Variants in ZBTB25 observed in about 807,000 individuals in gnomAD.
ZBTB25 encodes zinc finger and BTB domain containing 25.
ZBTB25 carries 20 observed loss-of-function variants against 34.2 expected under a neutral mutation model. That is an observed-to-expected ratio of 0.58 (90% confidence interval 0.41 to 0.85). The LOEUF (loss-of-function observed/expected upper bound fraction) is 0.85, where lower values mean the gene tolerates loss of function less well. Among genes scored for constraint, ZBTB25 ranks in the 40% least tolerant of loss-of-function variants. The probability of loss-of-function intolerance (pLI) is 0.00; values close to 1 mark genes in which losing one functional copy is unlikely to be tolerated. For synonymous variants in ZBTB25, 175 were observed against 186.4 expected (o/e 0.94, Z 0.50); for missense variants, 437 against 521.8 (o/e 0.84, Z 1.58).
At chr14:64,473,343 C>G (rs1239881681), downstream of ZBTB25, 1 of 167,046 alleles carries the variant, frequency 6.0e-6, no homozygotes, top group Non-Finnish European at 1.5e-5. Flanking sequence ...AATTTTCCTT[C>G]AAGGTAATGT....
chr14:64,454,920 C>T (rs1409541571), intron 2 of ZBTB25: 3 of 1,597,388 alleles, frequency 1.9e-6, no homozygotes, highest in South Asian at 1.1e-5. Flanking sequence ...CTGCACTTCT[C>T]GTCTGAAGTG....
downstream of ZBTB25, among the ~76,000 whole-genome samples, chr14:64,475,199 G>A (rs1481708916): frequency 6.6e-6 from 1 of 152,150 alleles, no homozygotes; most frequent in African/African-American, 2.4e-5. Context: ...CAGCACGTTG[G>A]GAGGCCGAGG....
At position 64,490,405 on chromosome 14, in the gene ZBTB25, A is replaced by C. The variant is rs374086770; in HGVS notation, c.129T>G (p.Ala43=). 9.4e-5 allele frequency: 151 copies of C among 1,610,064 alleles called. No homozygotes were observed. The highest frequency in any genetic ancestry group is 1.2e-4 in the Non-Finnish European group (145 of 1,177,514). The part of the protein sequence containing the change: ...VYFKAHRAVL[A]AFSNYFKMIF... ...TCATCTTGAAATAGTTAGAAAAAGC[A>C]GCAAGCACTGCTCTGTGGGCTTTGA... Residue 43 remains alanine (A), a synonymous_variant, in exon 2 of 3, where the codon GCT becomes GCG. Transcript: ENST00000608382.
chr14:64,455,613 A>C (rs956083550), intron 2 of ZBTB25, among the ~76,000 whole-genome samples: 1 of 152,228 alleles, frequency 6.6e-6, no homozygotes, highest in African/African-American at 2.4e-5. Flanking sequence ...ACTGCCATGC[A>C]ATACAGGACT....
At chr14:64,471,702 G>C (rs1159248494) in intron 2 of ZBTB25, 5 of 160,918 alleles carry the variant, frequency 3.1e-5, no homozygotes, top group East Asian at 2.0e-4. Flanking sequence ...GTTACTACTT[G>C]AAACAGATGA....
intron 1 of ZBTB25, among the ~76,000 whole-genome samples, chr14:64,494,167 G>T (rs184437980): frequency 7.2e-5 from 11 of 152,314 alleles, no homozygotes; most frequent in Non-Finnish European, 1.3e-4. Context: ...TTGAGGAAAG[G>T]CAATGACCTT....
At chr14:64,459,744 T>C (rs767998951) in intron 2 of ZBTB25, 2 of 1,529,322 alleles carry the variant, frequency 1.3e-6, no homozygotes, top group South Asian at 2.4e-5. Context: ...ATTTATTTCT[T>C]GTTTTTCCTT....
rs1448800401 is a variant in ZBTB25 at position 64,480,276 on chromosome 14, T to C, written c.*6647A>G. On this transcript the variant is annotated 3_prime_UTR_variant, in exon 3 of 3. Coordinates refer to ENST00000608382, the MANE Select transcript of ZBTB25 (RefSeq NM_006977.5). ...ATGTGAAGGTTGCAGTGAGCCGAGA[T>C]CACTCCACTGTACTCCAGCCTGGGC... is the stretch of plus-strand genomic sequence containing the variant. The C allele has an allele frequency of 1.6e-5, 5 of 314,544 alleles. No homozygotes were observed. Among genetic ancestry groups the C allele is most frequent in the Non-Finnish European group, 2.9e-5 (5 of 170,994 alleles). The allele number at this position is 314,544 out of a possible 1,614,324, so 19.5% of individuals were successfully genotyped here. A position where few individuals can be genotyped will look rare whatever the true frequency, so the allele number is the denominator to read the frequency against.
chr14:64,498,930 A>G (rs982359438), intron 1 of ZBTB25, among the ~76,000 whole-genome samples: 2 of 152,068 alleles, frequency 1.3e-5, no homozygotes, highest in Non-Finnish European at 2.9e-5. Context: ...CACCGCGCCC[A>G]GCCCAGATTC....
chr14:64,449,394 C>G, exon 3 of ZBTB25: 3 of 1,587,850 alleles, frequency 1.9e-6, no homozygotes, highest in Non-Finnish European at 1.7e-6. Context: ...GAAGACAATT[C>G]TGTCTCTCCA....
chr14:64,472,791 A>G (rs1222562082), intron 2 of ZBTB25: 1 of 166,906 alleles, frequency 6.0e-6, no homozygotes, highest in African/African-American at 2.4e-5. Flanking sequence ...TTTTCTTGTA[A>G]TAGTATTTAA....
chr14:64,485,294 T>C lies in ZBTB25; in HGVS notation c.*1629A>G. Reference sequence around the variant, plus strand: ...TCAAGAGTTTTGTAAGTGGTTAAATTCTAAGGCTCACAAACCAAATTTTTT... The same window carrying C: ...TCAAGAGTTTTGTAAGTGGTTAAATCCTAAGGCTCACAAACCAAATTTTTT... On this transcript the variant is annotated 3_prime_UTR_variant, in exon 3 of 3. Coordinates refer to ENST00000608382, the MANE Select transcript of ZBTB25 (RefSeq NM_006977.5). 1.0e-6 allele frequency: 1 copy of C among 985,454 alleles called. No individual in the cohort carries two copies. Among genetic ancestry groups the C allele is most frequent in the Non-Finnish European group, 1.2e-6 (1 of 829,934 alleles). The allele number at this position is 985,454 out of a possible 1,614,324, so 61.0% of individuals were successfully genotyped here.
At position 64,486,975 on chromosome 14, in the gene ZBTB25, G is replaced by A. The variant is rs752381452; in HGVS notation, c.1256C>T (p.Ala419Val). ...LSQEHLDLPCALESELTQENV... is the reference protein window; with the variant it reads ...LSQEHLDLPCVLESELTQENV... ...TTCTTGTGTGAGCTCTGACTCTAAG[G>A]CACAAGGCAAGTCTAAGTGTTCTTG... The change falls in exon 3 of 3, where the codon GCC becomes GTC. Residue 419 changes from alanine (A) to valine (V), a missense_variant. Physicochemically the swap from Ala to Val is moderately conservative, Grantham distance 64. Coordinates refer to ENST00000608382, the MANE Select transcript of ZBTB25 (RefSeq NM_006977.5). 16 of 1,614,110 alleles carry A rather than the reference G, an allele frequency of 9.9e-6. No individual in the cohort carries two copies. Among genetic ancestry groups the A allele is most frequent in the Admixed American group, 8.3e-5 (5 of 59,998 alleles).
At position 64,487,913 on chromosome 14, in the gene ZBTB25, G is replaced by A; in HGVS notation, c.318C>T (p.Tyr106=). Residue 106 remains tyrosine, a synonymous_variant, in exon 3 of 3, where the codon TAC becomes TAT. Transcript: ENST00000608382. ...EEGIRFLHAD[Y]LSHIATEMNQ... The stretch of plus-strand genomic sequence containing the variant: ...TCATTTCAGTTGCAATGTGAGAAAG[G>A]TAGTCGGCGTGAAGAAATCGAATCC... 1 of 1,614,168 alleles carries A rather than the reference G, an allele frequency of 6.2e-7. No homozygotes were observed. The highest frequency in any genetic ancestry group is 1.1e-5 in the South Asian group (1 of 91,074).
intron 2 of ZBTB25, chr14:64,469,152 C>T (rs1412059309): frequency 6.2e-7 from 1 of 1,614,110 alleles, no homozygotes; most frequent in South Asian, 1.1e-5. Context: ...CTTGAAACTT[C>T]AGAAACAGAC....
In ZBTB25 at chr14:64,485,355, A is replaced by G; in HGVS notation, c.*1568T>C. On this transcript the variant is annotated 3_prime_UTR_variant, in exon 3 of 3. Coordinates refer to ENST00000608382, the MANE Select transcript of ZBTB25 (RefSeq NM_006977.5). ...AAATGCCCGTGAAGCTTAGAATTTA[A>G]CAAGAGGGCAAAAAAAGATGAGTCT... is the stretch of plus-strand genomic sequence containing the variant. 3 of 985,442 alleles carry G rather than the reference A, an allele frequency of 3.0e-6. No individual in the cohort carries two copies. The highest frequency in any genetic ancestry group is 3.6e-6 in the Non-Finnish European group (3 of 829,924). The allele number at this position is 985,442 out of a possible 1,614,324, so 61.0% of individuals were successfully genotyped here.
At position 64,503,699 on chromosome 14, in the gene ZBTB25, A is replaced by C. The variant is rs2140041029; in HGVS notation, c.-46T>G. The C allele has an allele frequency of 3.9e-6, 3 of 776,890 alleles. No individual in the cohort carries two copies. The East Asian group carries it at 3.8e-4, about 100-fold the overall frequency. The allele number at this position is 776,890 out of a possible 1,614,324, so 48.1% of individuals were successfully genotyped here. A position where few individuals can be genotyped will look rare whatever the true frequency, so the allele number is the denominator to read the frequency against. ...CGGCGGCAGGCCGACTCCTCCGTGC[A>C]GGAGGGGCGGGCTCCCAAGCCGCGC... On this transcript the variant is annotated 5_prime_UTR_variant, in exon 1 of 3. Transcript: ENST00000608382.
At chr14:64,454,830 C>T in intron 2 of ZBTB25, 1 of 1,614,234 alleles carries the variant, frequency 6.2e-7, no homozygotes, top group East Asian at 2.2e-5. Context: ...TTCGCGACAT[C>T]CGCGCCAGCG....
At chr14:64,488,142 A>C in intron 2 of ZBTB25, 85 bp from the exon 3 acceptor site, 1 of 1,506,972 alleles carries the variant, frequency 6.6e-7, no homozygotes, top group African/African-American at 1.4e-5. Context: ...AGACTAAAGC[A>C]ATTTCTTCCT....
Sources: allele counts gnomAD v4.1 joint callset (sites outside exome capture counted in the v4.1 genomes callset), GRCh38; gene constraint gnomAD v4.1.1; transcripts MANE v1.5; gene names NCBI Gene and HGNC (gene_info 2026-07-23, HGNC 2026-07-21).